TPST1: variants seen among roughly 807,000 people sequenced by gnomAD.
TPST1 encodes the protein protein-tyrosine sulfotransferase 1.
TPST1 carries 20 observed loss-of-function variants against 34.8 expected under a neutral mutation model. The observed-to-expected ratio is 0.57, with a 90% CI of 0.40 to 0.84. The LOEUF is 0.84. Among genes scored for constraint, TPST1 ranks in the 40% least tolerant of loss-of-function variants. The pLI is 0.00. For missense variants in TPST1, 353 were observed against 455.5 expected (o/e 0.78, Z 2.05); for synonymous variants, 152 against 159.4 (o/e 0.95, Z 0.35).
At chr7:66,214,754 G>A (rs566484086) in intron 1 of TPST1, among the ~76,000 whole-genome samples, 10 of 150,190 alleles carry the variant, frequency 6.7e-5, no homozygotes, top group African/African-American at 1.5e-4. Context: ...GAGGGGAGGC[G>A]AGATCCTGCC....
At chr7:66,296,220 C>T in intron 3 of TPST1, among the ~76,000 whole-genome samples, 1 of 149,536 alleles carries the variant, frequency 6.7e-6, no homozygotes, top group Non-Finnish European at 1.5e-5. Flanking sequence ...TTCAAAATAC[C>T]CACTGAAATT....
rs560087798 is a variant in TPST1 at position 66,230,597 on chromosome 7, G to A, written c.-101-9728G>A. 1.1e-4 allele frequency among the ~76,000 whole-genome samples: 16 copies of A among 152,226 alleles called. No homozygotes were observed. The East Asian group carries it at 3.1e-3, about 29-fold the overall frequency. On this transcript the variant is annotated intron_variant, in intron 1 of 5. Transcript: ENST00000304842. ...TTCCTCCCGGTGGGCTTGTGGTCTC[G>A]CTGGCTTCAGGAGTGAAGCTGCAGA... is the stretch of plus-strand genomic sequence containing the variant.
At chr7:66,231,691 G>T (rs527860578) in intron 1 of TPST1, among the ~76,000 whole-genome samples, 3 of 152,232 alleles carry the variant, frequency 2.0e-5, no homozygotes, top group African/African-American at 4.8e-5. Context: ...CAAGCACCAC[G>T]GGCAGCACTG....
intron 2 of TPST1, among the ~76,000 whole-genome samples, chr7:66,283,962 T>G (rs568836113): frequency 6.6e-6 from 1 of 152,324 alleles, no homozygotes; most frequent in South Asian, 2.1e-4. Context: ...ACTGTTGAAT[T>G]TGAATTTTAT....
chr7:66,294,474 T>G (rs993551133), intron 3 of TPST1, among the ~76,000 whole-genome samples: 6 of 152,198 alleles, frequency 3.9e-5, no homozygotes, highest in Non-Finnish European at 7.3e-5. Context: ...TTCTCTTAGG[T>G]ATTACTTTTA....
chr7:66,304,879 G>A lies in TPST1; in HGVS notation c.1044+18170G>A, dbSNP rs117275598. Among the ~76,000 whole-genome samples, 427 of 151,110 alleles carry A rather than the reference G, an allele frequency of 2.8e-3. 17 individuals are homozygous for A. The East Asian group carries it at 0.077, about 27-fold the overall frequency. ...GTCACCCAGGCTGCAGTGCAGTGGC[G>A]CCATCATAGCTCACTGCATCCAGAA... On this transcript the variant is annotated intron_variant, in intron 3 of 5. Coordinates refer to ENST00000304842, the MANE Select transcript of TPST1 (RefSeq NM_003596.4).
intron 1 of TPST1, among the ~76,000 whole-genome samples, chr7:66,239,098 G>T (rs954673943): frequency 1.3e-5 from 2 of 152,196 alleles, no homozygotes; most frequent in Non-Finnish European, 2.9e-5. Flanking sequence ...GCTGTGTTCT[G>T]TCTTGCCATT....
chr7:66,202,062 T>C (rs928746092), upstream of TPST1, among the ~76,000 whole-genome samples: 12 of 152,166 alleles, frequency 7.9e-5, no homozygotes, highest in African/African-American at 2.7e-4. Context: ...TGTGTGTATG[T>C]GTATTTTAAA....
rs1270892807 is a variant in TPST1, at chr7:66,360,150, CCT to C, written c.*288_*289del. 3.1e-6 allele frequency: 1 copy of C among 320,512 alleles called. No homozygotes were observed. The allele number at this position is 320,512 out of a possible 1,614,324, so 19.9% of individuals were successfully genotyped here. On this transcript the variant is annotated 3_prime_UTR_variant, in exon 6 of 6. Coordinates refer to ENST00000304842, the MANE Select transcript of TPST1 (RefSeq NM_003596.4). The stretch of plus-strand genomic sequence containing the variant: ...GGAACATGTGTTTCCTGTTAAAACT[CCT>C]CTTGTTCTCTTTTCTTACATTATGA...
intron 3 of TPST1, among the ~76,000 whole-genome samples, chr7:66,310,410 T>C (rs1370247495): frequency 6.6e-6 from 1 of 152,200 alleles, no homozygotes. Flanking sequence ...ATTTCTGGGC[T>C]TAGGACTGTC....
chr7:66,307,630 C>T (rs192283496), intron 3 of TPST1, among the ~76,000 whole-genome samples: 49 of 152,240 alleles, frequency 3.2e-4, no homozygotes, highest in African/African-American at 1.1e-3. Context: ...CTGCCCAGAC[C>T]CCCTGGGAGC....
chr7:66,203,426 G>T (rs1208112294), upstream of TPST1, among the ~76,000 whole-genome samples: 2 of 148,538 alleles, frequency 1.3e-5, no homozygotes, highest in Non-Finnish European at 3.0e-5. Flanking sequence ...TGTAGAAGGA[G>T]ATATCATATG....
At chr7:66,349,229 C>A (rs1792419332) in intron 3 of TPST1, among the ~76,000 whole-genome samples, 1 of 152,126 alleles carries the variant, frequency 6.6e-6, no homozygotes, top group Non-Finnish European at 1.5e-5. Flanking sequence ...GCAGAAGAGG[C>A]TAGCTCAAAG....
chr7:66,206,313 T>C (rs1789130935), intron 1 of TPST1, among the ~76,000 whole-genome samples: 1 of 152,076 alleles, frequency 6.6e-6, no homozygotes, highest in Non-Finnish European at 1.5e-5. Flanking sequence ...CCCCATAACA[T>C]GTAAAGTCCC....
upstream of TPST1, among the ~76,000 whole-genome samples, chr7:66,202,679 G>T (rs548318767): frequency 6.6e-6 from 1 of 152,166 alleles, no homozygotes; most frequent in Non-Finnish European, 1.5e-5. Flanking sequence ...AAAGCAGAAT[G>T]TAACTTGGCC....
chr7:66,285,962 C>T (rs4149462), intron 2 of TPST1, among the ~76,000 whole-genome samples: 2,631 of 152,090 alleles, frequency 0.017, 61 homozygotes, highest in East Asian at 0.093. Context: ...GAATATTTTA[C>T]GTTCTTAGTG....
intron 3 of TPST1, among the ~76,000 whole-genome samples, chr7:66,308,262 C>T (rs528815042): frequency 3.3e-5 from 5 of 152,296 alleles, no homozygotes; most frequent in African/African-American, 1.2e-4. Context: ...CATAGCTTTG[C>T]TCTAAAATCC....
chr7:66,329,703 A>G, intron 3 of TPST1, among the ~76,000 whole-genome samples: 1 of 152,206 alleles, frequency 6.6e-6, no homozygotes, highest in East Asian at 1.9e-4. Context: ...GGCTCCATAA[A>G]GATGTCCACT....
intron 1 of TPST1, among the ~76,000 whole-genome samples, chr7:66,209,250 T>G (rs1014862042): frequency 1.2e-4 from 18 of 152,244 alleles, no homozygotes; most frequent in Middle Eastern, 3.4e-3. Flanking sequence ...AGAGTGAGAC[T>G]CCATCTCAAA....
Sources: allele counts gnomAD v4.1 joint callset (sites outside exome capture counted in the v4.1 genomes callset), GRCh38; gene constraint gnomAD v4.1.1; transcripts MANE v1.5; gene names NCBI Gene and HGNC (gene_info 2026-07-23, HGNC 2026-07-21).